WNT5B: variants seen among roughly 807,000 people sequenced by gnomAD.
WNT5B encodes protein Wnt-5b.
WNT5B carries 18 observed loss-of-function variants against 36.5 expected under a neutral mutation model. That is an observed-to-expected ratio of 0.49 (90% CI 0.34 to 0.73). WNT5B has a LOEUF of 0.73. WNT5B is among the 30% of genes least tolerant of loss of function. WNT5B has a pLI of 0.01. For missense variants in WNT5B, 424 were observed against 508.4 expected (o/e 0.83, Z 1.60); for synonymous variants, 213 against 212.3 (o/e 1.00, Z -0.03).
chr12:1,644,191 G>A lies in WNT5B; in HGVS notation c.622-1603G>A, dbSNP rs373994330. 6.6e-6 allele frequency among the ~76,000 whole-genome samples: 1 copy of A among 152,200 alleles called. No homozygotes were observed. The highest frequency in any genetic ancestry group is 2.4e-5 in the African/African-American group (1 of 41,456). On this transcript the variant is annotated intron_variant, in intron 4 of 4. Transcript: ENST00000397196. This position sits in a 1 kb window ranked among gnomAD's most constrained non-coding sequence, Gnocchi z 5.1. ...AGCTCAGACCCAGGGCATTTGGGAT[G>A]GAAGGGTCATTGCAGGCCCCATCTT...
At chr12:1,636,533 A>ATATATATT (rs2094561799) in intron 3 of WNT5B, among the ~76,000 whole-genome samples, 1 of 32,884 alleles carries the variant, frequency 3.0e-5, no homozygotes, top group African/African-American at 1.1e-4. Flanking sequence ...ATATATATAT[A>ATATATATT]TATATATACT....
chr12:1,642,605 T>C (rs950730503), intron 4 of WNT5B, among the ~76,000 whole-genome samples: 1 of 152,162 alleles, frequency 6.6e-6, no homozygotes, highest in East Asian at 1.9e-4. Context: ...GGAGGCTGCT[T>C]GTGGCTCTGC....
At chr12:1,623,558 G>C (rs986605969) in intron 1 of WNT5B, among the ~76,000 whole-genome samples, 2 of 152,058 alleles carry the variant, frequency 1.3e-5, no homozygotes, top group African/African-American at 4.8e-5. Flanking sequence ...AGAGCTCCTC[G>C]ATCGCTATAT....
In WNT5B at chr12:1,632,703, C is replaced by G. The variant is rs778535076; in HGVS notation, c.126C>G (p.Ile42Met). 1 of 1,612,412 alleles carries G rather than the reference C, an allele frequency of 6.2e-7. No individual in the cohort carries two copies. Among genetic ancestry groups the G allele is most frequent in the African/African-American group, 1.3e-5 (1 of 74,886 alleles). The part of the protein sequence containing the change: ...NPVQRPEMFI[I>M]GAQPVCSQLP... ...TGCAGAGACCCGAGATGTTTATCATCGGTGCCCAGCCCGTGTGCAGTCAGC... is the reference window on the plus strand; with the variant it reads ...TGCAGAGACCCGAGATGTTTATCATGGGTGCCCAGCCCGTGTGCAGTCAGC... Residue 42 changes from isoleucine to methionine, a missense_variant, in exon 3 of 5, where the codon ATC (isoleucine) becomes ATG (methionine). Physicochemically the swap from Ile to Met is conservative, Grantham distance 10 (BLOSUM62 1). Coordinates refer to ENST00000397196, the MANE Select transcript of WNT5B (RefSeq NM_032642.3). This position sits in a 1 kb window ranked among gnomAD's most constrained non-coding sequence, Gnocchi z 5.8.
rs141073347 is a variant in WNT5B at position 1,631,378 on chromosome 12, C to G, written c.24C>G (p.Phe8Leu). The change falls in exon 2 of 5, where the codon TTC becomes TTG. Residue 8 changes from phenylalanine to leucine, a missense_variant. Phe to Leu is a conservative substitution (Grantham distance 22). Coordinates refer to ENST00000397196, the MANE Select transcript of WNT5B (RefSeq NM_032642.3). ...CCATGCCCAGCCTGCTGCTGCTGTT[C>G]ACGGCTGCTCTGCTGTCCAGCTGGG... Reference protein sequence around the residue: MPSLLLLFTAALLSSWAQ... With the variant: MPSLLLLLTAALLSSWAQ... The G allele has an allele frequency of 4.3e-6, 7 of 1,614,138 alleles. No homozygotes were observed. In the African/African-American group the frequency reaches 9.3e-5, roughly 22 times the overall value.
chr12:1,632,895 C>A lies in WNT5B; in HGVS notation c.318C>A (p.Val106=). The change falls in exon 3 of 5, where the codon GTC becomes GTA. Residue 106 remains valine, a synonymous_variant. Transcript: ENST00000397196. This position sits in a 1 kb window ranked among gnomAD's most constrained non-coding sequence, Gnocchi z 5.8. ...ACAACGCATCTGTCTTTGGGAGAGT[C>A]ATGCAGATAGGTAAGAGGCCATTAC... ...TADNASVFGR[V]MQIGSRETAF... 2 of 1,609,846 alleles carry A rather than the reference C, an allele frequency of 1.2e-6. No individual in the cohort carries two copies. The highest frequency in any genetic ancestry group is 2.2e-5 in the South Asian group (2 of 90,866).
rs114787860 is a variant in WNT5B, at chr12:1,641,107, G to A, written c.621+1131G>A. Among the ~76,000 whole-genome samples the A allele has an allele frequency of 3.6e-3, 552 of 152,312 alleles. 6 individuals are homozygous for A. Among genetic ancestry groups the A allele is most frequent in the African/African-American group, 0.012 (495 of 41,564 alleles). On this transcript the variant is annotated intron_variant, in intron 4 of 4. Transcript: ENST00000397196. ...TCACTCAAAAATGAGAATGGTGGCC[G>A]GGAGCAGTGGCTCATGCCTGTAATC...
intron 1 of WNT5B, among the ~76,000 whole-genome samples, chr12:1,623,430 C>T (rs972048988): frequency 1.3e-5 from 2 of 151,728 alleles, no homozygotes; most frequent in Non-Finnish European, 2.9e-5. Flanking sequence ...CTCCTGACCT[C>T]GTGATCCGCC....
intron 1 of WNT5B, among the ~76,000 whole-genome samples, chr12:1,619,577 G>C (rs1328608679): frequency 6.6e-6 from 1 of 152,020 alleles, no homozygotes; most frequent in East Asian, 1.9e-4. Context: ...ATGTTTTTTG[G>C]GGAAGAATGC....
upstream of WNT5B, among the ~76,000 whole-genome samples, chr12:1,628,197 C>T (rs1215237630): frequency 6.6e-6 from 1 of 151,750 alleles, no homozygotes; most frequent in Non-Finnish European, 1.5e-5. Context: ...TGCTCTGTCA[C>T]CCGGCTGGAG....
intron 3 of WNT5B, among the ~76,000 whole-genome samples, chr12:1,635,844 C>T (rs1449913631): frequency 1.3e-5 from 2 of 152,218 alleles, no homozygotes; most frequent in Admixed American, 6.5e-5. Flanking sequence ...GCCATCATTT[C>T]GGTTTTTCTT....
chr12:1,646,283 C>T lies in WNT5B; in HGVS notation c.*31C>T. On this transcript the variant is annotated 3_prime_UTR_variant, in exon 5 of 5. Transcript: ENST00000397196. The stretch of plus-strand genomic sequence containing the variant: ...AGGGCCTGCTCCCGGCCCCCCTGCA[C>T]TCTGCCTCACAAAGGTCTATATTAT... The T allele has an allele frequency of 1.9e-6, 3 of 1,560,558 alleles. No homozygotes were observed. The highest frequency in any genetic ancestry group is 2.6e-6 in the Non-Finnish European group (3 of 1,153,788).
chr12:1,624,398 AAAAGAG>A (rs1565603790), upstream of WNT5B, among the ~76,000 whole-genome samples: 3 of 150,870 alleles, frequency 2.0e-5, no homozygotes, highest in African/African-American at 7.4e-5. Context: ...AAAAAAAAAA[AAAAGAG>A]AAAGCAGAGA....
chr12:1,631,811 A>G (rs1015604545), intron 2 of WNT5B, among the ~76,000 whole-genome samples: 3 of 152,088 alleles, frequency 2.0e-5, no homozygotes, highest in African/African-American at 7.2e-5. Context: ...CCTCTTTTAT[A>G]AGTCTGAAGG....
At chr12:1,637,231 GTTGTT>G (rs1052425961) in intron 3 of WNT5B, among the ~76,000 whole-genome samples, 1 of 152,106 alleles carries the variant, frequency 6.6e-6, no homozygotes, top group African/African-American at 2.4e-5. Context: ...GGATAGTTTG[GTTGTT>G]TCCAATTTTT....
chr12:1,624,112 T>A (rs1397799348), intron 1 of WNT5B, among the ~76,000 whole-genome samples: 1 of 152,102 alleles, frequency 6.6e-6, no homozygotes, highest in Non-Finnish European at 1.5e-5. Context: ...AGAGGCTGGG[T>A]ACCGCGGCTC....
At chr12:1,638,566 G>C (rs1028895901) in intron 3 of WNT5B, among the ~76,000 whole-genome samples, 2 of 152,174 alleles carry the variant, frequency 1.3e-5, no homozygotes, top group Non-Finnish European at 2.9e-5. Flanking sequence ...TGATAGCTGA[G>C]TATTCTGAAA....
chr12:1,639,060 A>G (rs1446527938), intron 3 of WNT5B, among the ~76,000 whole-genome samples: 3 of 152,112 alleles, frequency 2.0e-5, no homozygotes, highest in Admixed American at 2.0e-4. Context: ...TCTCCCGCCT[A>G]GGAATCTGCA....
intron 1 of WNT5B, among the ~76,000 whole-genome samples, chr12:1,623,511 A>G (rs1468388921): frequency 6.6e-6 from 1 of 151,926 alleles, no homozygotes; most frequent in Non-Finnish European, 1.5e-5. Flanking sequence ...AAGGGTTTTA[A>G]GCAAAGAAGT....
Sources: gnomAD v4.1 joint callset for allele counts (sites outside exome capture counted in the v4.1 genomes callset) on GRCh38, gnomAD v4.1.1 for gene constraint, Gnocchi (gnomAD v3.1) non-coding constraint, MANE v1.5 for transcripts, NCBI Gene and HGNC (gene_info 2026-07-23, HGNC 2026-07-21) for gene names.